RAI14: variants seen among roughly 807,000 people sequenced by gnomAD.
The protein encoded by RAI14 is ankycorbin.
RAI14 carries 45 observed loss-of-function variants against 115.4 expected under a neutral mutation model. The observed-to-expected ratio is 0.39, with a 90% confidence interval of 0.31 to 0.50. The LOEUF is 0.50. Among genes scored for constraint, RAI14 ranks in the 20% least tolerant of loss-of-function variants. RAI14 has a pLI of 0.85. For missense variants in RAI14, 939 were observed against 1,131.2 expected, an observed-to-expected ratio of 0.83 and a Z score of 2.44; for synonymous variants, 371 against 415.4, an observed-to-expected ratio of 0.89 and a Z score of 1.30.
chr5:34,822,234 ATATG>A (rs935072831), intron 14 of RAI14, among the ~76,000 whole-genome samples: 10 of 126,652 alleles, frequency 7.9e-5, no homozygotes, highest in African/African-American at 2.3e-4. Context: ...TTTAAATTAT[ATATG>A]TATGTGTGTA....
chr5:34,822,160 T>C lies in RAI14; in HGVS notation c.1113+310T>C, dbSNP rs544273691. Among the ~76,000 whole-genome samples the C allele has an allele frequency of 6.8e-4, 101 of 147,728 alleles. No individual in the cohort carries two copies. The East Asian group carries it at 0.018, about 26-fold the overall frequency. On this transcript the variant is annotated intron_variant, in intron 14 of 17. Transcript: ENST00000265109. ...AAAATTCTATATAAAATATACTATA[T>C]GCATAGAATGATGCATAATATATAA...
At chr5:34,798,851 C>A (rs527754909) in intron 4 of RAI14, among the ~76,000 whole-genome samples, 5 of 152,184 alleles carry the variant, frequency 3.3e-5, no homozygotes, top group Non-Finnish European at 5.9e-5. Context: ...TGGTGGAATC[C>A]ACAGCACTTT....
chr5:34,787,449 A>C (rs1752432150), intron 3 of RAI14, among the ~76,000 whole-genome samples: 1 of 152,236 alleles, frequency 6.6e-6, no homozygotes, highest in African/African-American at 2.4e-5. Context: ...ACATGGATGA[A>C]CCTTGAAAAC....
chr5:34,742,908 C>T (rs553524712), intron 2 of RAI14, among the ~76,000 whole-genome samples: 2 of 152,170 alleles, frequency 1.3e-5, no homozygotes, highest in Non-Finnish European at 2.9e-5. Flanking sequence ...GTGATCCACC[C>T]GCCTTGGCCT....
intron 2 of RAI14, among the ~76,000 whole-genome samples, chr5:34,704,720 G>A (rs1441964663): frequency 2.0e-5 from 3 of 152,050 alleles, no homozygotes; most frequent in Non-Finnish European, 2.9e-5. Context: ...TTCTCCATTC[G>A]ATAAGCAGAA....
chr5:34,830,659 A>G (rs1184568006), intron 17 of RAI14, 29 bp from the exon 18 acceptor site: 3 of 1,613,814 alleles, frequency 1.9e-6, no homozygotes, highest in Admixed American at 1.7e-5. Flanking sequence ...TTTAGGTTCT[A>G]ATGAGTATCT....
At chr5:34,765,961 G>A (rs1311905769) in intron 3 of RAI14, among the ~76,000 whole-genome samples, 1 of 152,234 alleles carries the variant, frequency 6.6e-6, no homozygotes. Flanking sequence ...TAGAACTTGG[G>A]CTGTGGCTTC....
At chr5:34,702,969 G>A (rs1292602578) in intron 2 of RAI14, among the ~76,000 whole-genome samples, 1 of 152,124 alleles carries the variant, frequency 6.6e-6, no homozygotes, top group East Asian at 1.9e-4. Context: ...GCCTCCCAAA[G>A]TGGTGGGATT....
At chr5:34,727,197 T>C (rs1416350408) in intron 2 of RAI14, among the ~76,000 whole-genome samples, 1 of 152,198 alleles carries the variant, frequency 6.6e-6, no homozygotes, top group Non-Finnish European at 1.5e-5. Context: ...AAGGTCACTC[T>C]TGTTATGTTT....
intron 3 of RAI14, among the ~76,000 whole-genome samples, chr5:34,772,190 G>A (rs1210502262): frequency 6.6e-6 from 1 of 152,200 alleles, no homozygotes; most frequent in Admixed American, 6.5e-5. Context: ...TGGGATTACA[G>A]GCATGAGCCA....
intron 2 of RAI14, among the ~76,000 whole-genome samples, chr5:34,694,171 A>G (rs190100695): frequency 6.6e-6 from 1 of 152,338 alleles, no homozygotes; most frequent in East Asian, 1.9e-4. Context: ...ACAAGCAATG[A>G]GTCATTTAGA....
At chr5:34,724,209 T>G (rs940968831) in intron 2 of RAI14, among the ~76,000 whole-genome samples, 1 of 152,000 alleles carries the variant, frequency 6.6e-6, no homozygotes, top group Non-Finnish European at 1.5e-5. Flanking sequence ...AGAGTCGGGC[T>G]TTCACCATGT....
chr5:34,679,186 C>T (rs1435235711), intron 1 of RAI14, among the ~76,000 whole-genome samples: 1 of 152,236 alleles, frequency 6.6e-6, no homozygotes, highest in African/African-American at 2.4e-5. Flanking sequence ...ACAATCCACA[C>T]ACATTCTGAC....
intron 2 of RAI14, among the ~76,000 whole-genome samples, chr5:34,739,832 C>T (rs555936995): frequency 2.0e-5 from 3 of 152,152 alleles, no homozygotes; most frequent in Middle Eastern, 3.4e-3. Context: ...GAGGCCGAGG[C>T]GGGCGGATCA....
chr5:34,783,176 C>T (rs1580245204), intron 3 of RAI14, among the ~76,000 whole-genome samples: 1 of 152,212 alleles, frequency 6.6e-6, no homozygotes, highest in African/African-American at 2.4e-5. Flanking sequence ...TCACTGCTAT[C>T]GCAGCTACCA....
chr5:34,809,257 T>C (rs1042340803), intron 7 of RAI14, among the ~76,000 whole-genome samples: 2 of 152,172 alleles, frequency 1.3e-5, no homozygotes, highest in Non-Finnish European at 2.9e-5. Flanking sequence ...ATCACTCTAG[T>C]GTATTGACTT....
At chr5:34,719,552 T>C (rs1229009153) in intron 2 of RAI14, among the ~76,000 whole-genome samples, 1 of 152,220 alleles carries the variant, frequency 6.6e-6, no homozygotes, top group African/African-American at 2.4e-5. Context: ...TGTAAATTTA[T>C]AGAAAGGGAC....
Position 34,683,771 on chromosome 5 carries a change from A to C in RAI14, c.-48-3101A>C, listed in dbSNP as rs1471605408. On this transcript the variant is annotated intron_variant, in intron 1 of 17. Transcript: ENST00000265109. ...GAGATGGAGTCTCACTCTGTCGCCCAGGGTGGAGTGCAGTGGCGCGATATC... is the reference window on the plus strand; with the variant it reads ...GAGATGGAGTCTCACTCTGTCGCCCCGGGTGGAGTGCAGTGGCGCGATATC... Among the ~76,000 whole-genome samples the C allele has an allele frequency of 5.2e-4, 78 of 151,042 alleles. No homozygotes were observed. The South Asian group carries it at 0.016, about 31-fold the overall frequency.
At chr5:34,691,902 C>T (rs1484974203) in intron 2 of RAI14, among the ~76,000 whole-genome samples, 2 of 152,160 alleles carry the variant, frequency 1.3e-5, no homozygotes, top group African/African-American at 2.4e-5. Context: ...AATGCACACA[C>T]CCCATGAATC....
Sources: gnomAD v4.1 joint callset for allele counts (sites outside exome capture counted in the v4.1 genomes callset) on GRCh38, gnomAD v4.1.1 for gene constraint, MANE v1.5 for transcripts, NCBI Gene and HGNC (gene_info 2026-07-23, HGNC 2026-07-21) for gene names.